The following NBAS variants were observed in gnomAD, a reference collection of about 807,000 sequenced individuals.
NBAS encodes NBAS subunit of NRZ tethering complex.
In NBAS, 219 loss-of-function variants were observed where a neutral mutation model predicts 302.5. The observed-to-expected ratio is 0.72, with a 90% CI of 0.65 to 0.81. The LOEUF (loss-of-function observed/expected upper bound fraction) is 0.81. NBAS is among the 30% of genes least tolerant of loss of function. The probability of loss-of-function intolerance (pLI) is 0.00; values close to 1 mark genes in which losing one functional copy is unlikely to be tolerated. For missense variants in NBAS, 2,932 were observed against 2,841.6 expected (o/e 1.03, Z -0.72); for synonymous variants, 1,118 against 1,021.6 (o/e 1.09, Z -1.80).
At position 15,383,195 on chromosome 2, in the gene NBAS, G is replaced by A. The variant is rs372825919; in HGVS notation, c.3360+20C>T. On this transcript the variant is annotated intron_variant, in intron 29 of 51. Coordinates refer to ENST00000281513, the MANE Select transcript of NBAS (RefSeq NM_015909.4). The stretch of plus-strand genomic sequence containing the variant: ...AAAATTGTTAAATTAAAAAAAAATC[G>A]TATATGGTTCTAGAGTTACCTCATA... The A allele has an allele frequency of 3.3e-5, 52 of 1,585,382 alleles. No individual in the cohort carries two copies. Among genetic ancestry groups the A allele is most frequent in the African/African-American group, 2.3e-4 (17 of 74,286 alleles).
chr2:15,492,086 T>A (rs1399682520), intron 11 of NBAS, among the ~76,000 whole-genome samples: 3 of 152,224 alleles, frequency 2.0e-5, no homozygotes, highest in Admixed American at 6.5e-5. Flanking sequence ...TCTTGAACTA[T>A]CTTATTGTAG....
intron 38 of NBAS, among the ~76,000 whole-genome samples, chr2:15,322,086 T>C (rs1671835436): frequency 6.6e-6 from 1 of 152,098 alleles, no homozygotes; most frequent in Non-Finnish European, 1.5e-5. Context: ...ATGTCCTTTG[T>C]AGGGACATGG....
chr2:14,797,782 G>A, the NBAS span, among the ~76,000 whole-genome samples: 2 of 152,128 alleles, frequency 1.3e-5, no homozygotes, highest in Non-Finnish European at 2.9e-5. Flanking sequence ...AGAAATCCCA[G>A]CAGCCAGCCT....
the NBAS span, among the ~76,000 whole-genome samples, chr2:14,976,377 G>A: frequency 0.19 from 28,313 of 152,210 alleles, 3,286 homozygotes; most frequent in Non-Finnish European, 0.27. Context: ...ATTTCTGTAC[G>A]TCTTCGTCTA....
chr2:15,273,048 C>G (rs578132324), intron 44 of NBAS, among the ~76,000 whole-genome samples: 51 of 152,268 alleles, frequency 3.3e-4, no homozygotes, highest in African/African-American at 1.1e-3. Flanking sequence ...GTCCCCTCTA[C>G]ACACACGCTC....
the NBAS span, among the ~76,000 whole-genome samples, chr2:14,988,875 T>C: frequency 6.6e-6 from 1 of 152,166 alleles, no homozygotes; most frequent in South Asian, 2.1e-4. Context: ...ATGTTAGGCA[T>C]GTGACATAAA....
chr2:14,868,942 C>T, the NBAS span, among the ~76,000 whole-genome samples: 1 of 152,308 alleles, frequency 6.6e-6, no homozygotes, highest in Middle Eastern at 3.4e-3. Flanking sequence ...AGGGAGTTGT[C>T]TCTCTGCACT....
chr2:14,918,031 GCCC>G, the NBAS span, among the ~76,000 whole-genome samples: 2 of 152,098 alleles, frequency 1.3e-5, no homozygotes, highest in Non-Finnish European at 2.9e-5. Flanking sequence ...CCAAGTTCCA[GCCC>G]CTTCCTTCTG....
the NBAS span, among the ~76,000 whole-genome samples, chr2:14,934,490 G>A: frequency 6.6e-6 from 1 of 152,028 alleles, no homozygotes; most frequent in Non-Finnish European, 1.5e-5. Context: ...TAATTTAAAA[G>A]TAGAAAGAAC....
In NBAS at chr2:15,292,735, G is replaced by C; in HGVS notation, c.4829C>G (p.Thr1610Ser). 6.2e-7 allele frequency: 1 copy of C among 1,614,180 alleles called. No individual in the cohort carries two copies. Among genetic ancestry groups the C allele is most frequent in the Middle Eastern group, 1.6e-4 (1 of 6,062 alleles). ...ADPKELIKMV[T>S]RHVTRHEHEA... ...GTGCTCATGTCGAGTCACATGCCTG[G>C]TGACCATCTTGATTAGTTCTTTGGG... The change falls in exon 41 of 52, where the codon ACC becomes AGC. Residue 1610 changes from threonine (T) to serine (S), a missense_variant. Thr to Ser is a moderately conservative substitution (Grantham distance 58). Coordinates refer to ENST00000281513, the MANE Select transcript of NBAS (RefSeq NM_015909.4).
intron 51 of NBAS, among the ~76,000 whole-genome samples, chr2:15,175,086 A>C (rs1191224684): frequency 6.6e-6 from 1 of 151,658 alleles, no homozygotes; most frequent in East Asian, 1.9e-4. Flanking sequence ...CCTGCCTCAG[A>C]CTCCCGAGTA....
At chr2:15,520,301 C>T (rs1257045212) in intron 9 of NBAS, among the ~76,000 whole-genome samples, 1 of 152,054 alleles carries the variant, frequency 6.6e-6, no homozygotes, top group East Asian at 1.9e-4. Flanking sequence ...ACTCAGAAGG[C>T]TGAGGAGGGA....
At chr2:15,112,939 A>C in the NBAS span, among the ~76,000 whole-genome samples, 1 of 152,178 alleles carries the variant, frequency 6.6e-6, no homozygotes, top group Non-Finnish European at 1.5e-5. Flanking sequence ...ATGTGTTTGC[A>C]TGGAGAATAA....
the NBAS span, among the ~76,000 whole-genome samples, chr2:14,796,552 C>A: frequency 5.3e-5 from 8 of 152,000 alleles, no homozygotes; most frequent in African/African-American, 1.9e-4. Context: ...TCAGATTTAT[C>A]CTGCAATATC....
In NBAS at chr2:15,179,198, T is replaced by C. The variant is rs927950185; in HGVS notation, c.6712-82A>G. 3 of 1,598,198 alleles carry C rather than the reference T, an allele frequency of 1.9e-6. No homozygotes were observed. In the Admixed American group the frequency reaches 5.0e-5, roughly 27 times the overall value. On this transcript the variant is annotated intron_variant, in intron 50 of 51. Coordinates refer to ENST00000281513, the MANE Select transcript of NBAS (RefSeq NM_015909.4). ...GGTTCTGGCTGGATCATTCCACCCC[T>C]TTTTCTGTGGTAGCGTGTGTGTGTG...
chr2:15,535,949 G>C (rs1484689309), intron 8 of NBAS, among the ~76,000 whole-genome samples: 1 of 152,200 alleles, frequency 6.6e-6, no homozygotes, highest in Non-Finnish European at 1.5e-5. Flanking sequence ...GGGCATGAGG[G>C]AACTTTCTAG....
intron 10 of NBAS, among the ~76,000 whole-genome samples, chr2:15,506,387 A>T (rs148576358): frequency 6.6e-6 from 1 of 152,270 alleles, no homozygotes; most frequent in East Asian, 1.9e-4. Context: ...GAAAATAAAG[A>T]CCTGTAAGAA....
At chr2:14,981,855 A>C in the NBAS span, among the ~76,000 whole-genome samples, 1 of 152,228 alleles carries the variant, frequency 6.6e-6, no homozygotes, top group Non-Finnish European at 1.5e-5. Flanking sequence ...AGTTTATGAC[A>C]GCAGTGTTAC....
At chr2:15,185,884 ACAAATTTATTTT>A (rs1207635433) in intron 50 of NBAS, among the ~76,000 whole-genome samples, 1 of 152,192 alleles carries the variant, frequency 6.6e-6, no homozygotes, top group Non-Finnish European at 1.5e-5. Flanking sequence ...GATCATATTT[ACAAATTTATTTT>A]CAAGTTTATC....
Sources: gnomAD v4.1 joint callset for allele counts (sites outside exome capture counted in the v4.1 genomes callset) on GRCh38, gnomAD v4.1.1 for gene constraint, MANE v1.5 for transcripts, NCBI Gene and HGNC (gene_info 2026-07-23, HGNC 2026-07-21) for gene names.